The following GRM3 variants were observed in gnomAD, a reference collection of about 807,000 sequenced individuals.
The protein encoded by GRM3 is glutamate metabotropic receptor 3.
Under a neutral mutation model 70.5 loss-of-function variants are expected in GRM3, and 26 were observed. That is an observed-to-expected ratio of 0.37 (90% CI 0.27 to 0.51). GRM3 has a LOEUF of 0.51. Among genes scored for constraint, GRM3 ranks in the 20% least tolerant of loss-of-function variants. The pLI, the probability that GRM3 is intolerant of heterozygous loss-of-function variation, is 0.93. For missense variants in GRM3, 859 were observed against 1,123.8 expected, an observed-to-expected ratio of 0.76 and a Z score of 3.37; for synonymous variants, 443 against 434.9, an observed-to-expected ratio of 1.02 and a Z score of -0.23.
chr7:86,692,254 GTTTTCAAACATT>G (rs1294179328), intron 1 of GRM3, among the ~76,000 whole-genome samples: 1 of 152,144 alleles, frequency 6.6e-6, no homozygotes, highest in Non-Finnish European at 1.5e-5. Flanking sequence ...CTAATCCTCT[GTTTTCAAACATT>G]TTTTCTCTTA....
At chr7:86,762,603 G>A (rs1445786594) in intron 1 of GRM3, among the ~76,000 whole-genome samples, 1 of 152,046 alleles carries the variant, frequency 6.6e-6, no homozygotes, top group East Asian at 1.9e-4. Flanking sequence ...GAGCACACAA[G>A]AAAACAAATA....
intron 2 of GRM3, among the ~76,000 whole-genome samples, chr7:86,780,357 A>G (rs1057221071): frequency 6.6e-6 from 1 of 152,152 alleles, no homozygotes; most frequent in African/African-American, 2.4e-5. Flanking sequence ...AAAAATACCA[A>G]TTTTATAACA....
chr7:86,671,642 G>C (rs1296737996), intron 1 of GRM3, among the ~76,000 whole-genome samples: 1 of 152,112 alleles, frequency 6.6e-6, no homozygotes, highest in Non-Finnish European at 1.5e-5. Flanking sequence ...CTTTAATCTA[G>C]AGGTCTGACC....
intron 1 of GRM3, among the ~76,000 whole-genome samples, chr7:86,651,349 A>G (rs761746630): frequency 1.1e-4 from 16 of 152,180 alleles, no homozygotes; most frequent in Non-Finnish European, 1.9e-4. Context: ...GTTTCTTTTG[A>G]TTGTTAATAA....
intron 2 of GRM3, among the ~76,000 whole-genome samples, chr7:86,768,338 A>C (rs750444025): frequency 4.6e-5 from 7 of 152,188 alleles, no homozygotes; most frequent in African/African-American, 7.2e-5. Context: ...AGTCCCATGA[A>C]GTCATTGCTG....
intron 3 of GRM3, among the ~76,000 whole-genome samples, chr7:86,825,132 C>G (rs1371567072): frequency 6.6e-6 from 1 of 151,894 alleles, no homozygotes; most frequent in South Asian, 2.1e-4. Context: ...TCTAGTATAC[C>G]CTGGTGTCTC....
intron 1 of GRM3, among the ~76,000 whole-genome samples, chr7:86,671,840 C>T (rs994700010): frequency 6.6e-6 from 1 of 152,128 alleles, no homozygotes; most frequent in African/African-American, 2.4e-5. Context: ...TCTACTGGGA[C>T]CCTTAATTCC....
intron 1 of GRM3, among the ~76,000 whole-genome samples, chr7:86,717,352 C>A (rs1329767059): frequency 6.6e-6 from 1 of 151,926 alleles, no homozygotes; most frequent in African/African-American, 2.4e-5. Flanking sequence ...TATGTGTGAG[C>A]AATGACTTTT....
chr7:86,710,514 T>C (rs1795169850), intron 1 of GRM3, among the ~76,000 whole-genome samples: 1 of 140,798 alleles, frequency 7.1e-6, no homozygotes. Context: ...GTACTTGATG[T>C]GCTTTTCTGA....
chr7:86,814,253 A>G (rs1797971366), intron 3 of GRM3, among the ~76,000 whole-genome samples: 1 of 151,718 alleles, frequency 6.6e-6, no homozygotes, highest in Admixed American at 6.6e-5. Context: ...TTATTTTTCC[A>G]TAAGTTATTG....
chr7:86,736,707 A>G (rs1385333647), intron 1 of GRM3, among the ~76,000 whole-genome samples: 2 of 152,192 alleles, frequency 1.3e-5, no homozygotes, highest in African/African-American at 2.4e-5. Context: ...GAAGGTTTAC[A>G]TGAGACATAT....
In GRM3 at chr7:86,840,004, TG is replaced by T. The variant is rs914161369; in HGVS notation, c.2391+102del. 1.4e-5 allele frequency: 10 copies of T among 707,366 alleles called. No individual in the cohort carries two copies. In the African/African-American group the frequency reaches 1.6e-4, roughly 11 times the overall value. The allele number at this position is 707,366 out of a possible 1,614,324, so 43.8% of individuals were successfully genotyped here. On this transcript the variant is annotated intron_variant, in intron 4 of 5. Coordinates refer to ENST00000361669, the MANE Select transcript of GRM3 (RefSeq NM_000840.3). ...CTCCTTTTATTTCATCTCAACGAGTTGGGTAATTTCAAATGCCATGATGAGC... is the reference window on the plus strand; with the variant it reads ...CTCCTTTTATTTCATCTCAACGAGTTGGTAATTTCAAATGCCATGATGAGC...
chr7:86,833,394 G>GATA (rs113026975), intron 3 of GRM3, among the ~76,000 whole-genome samples: 7,039 of 149,804 alleles, frequency 0.047, 499 homozygotes, highest in African/African-American at 0.16. Flanking sequence ...CTTAAAGTAT[G>GATA]ATAATAATAA....
intron 3 of GRM3, among the ~76,000 whole-genome samples, chr7:86,812,447 T>G (rs1178854310): frequency 6.6e-6 from 1 of 151,784 alleles, no homozygotes; most frequent in Non-Finnish European, 1.5e-5. Context: ...ACAGAATCAG[T>G]ATTAGTTCTG....
At chr7:86,766,399 A>C (rs894672869) in intron 2 of GRM3, among the ~76,000 whole-genome samples, 2 of 152,076 alleles carry the variant, frequency 1.3e-5, no homozygotes, top group African/African-American at 4.8e-5. Flanking sequence ...AAAAGGAAAC[A>C]TTTAACACAT....
intron 4 of GRM3, among the ~76,000 whole-genome samples, chr7:86,842,609 C>T (rs11975812): frequency 0.036 from 5,534 of 152,162 alleles, 333 homozygotes; most frequent in African/African-American, 0.13. Context: ...ACAGAATTAG[C>T]AGCAATAATT....
intron 1 of GRM3, among the ~76,000 whole-genome samples, chr7:86,735,112 C>A (rs1206749626): frequency 6.6e-6 from 1 of 152,092 alleles, no homozygotes; most frequent in African/African-American, 2.4e-5. Context: ...CCACAAGAGA[C>A]CATGCCTTTG....
rs77782774 is a variant in GRM3, at chr7:86,670,362, C to T, written c.-141+25490C>T. On this transcript the variant is annotated intron_variant, in intron 1 of 5. Transcript: ENST00000361669. The stretch of plus-strand genomic sequence containing the variant: ...ACATCTAAGCAGGTAACTGCTAGTG[C>T]TCTACCTCTAATCATGTTCCCAAAT... Among the ~76,000 whole-genome samples, 723 of 152,310 alleles carry T rather than the reference C, an allele frequency of 4.7e-3. 5 individuals are homozygous for T. Among genetic ancestry groups the T allele is most frequent in the African/African-American group, 0.015 (631 of 41,576 alleles).
At chr7:86,858,147 GA>G (rs1383627362) in intron 5 of GRM3, among the ~76,000 whole-genome samples, 1 of 151,748 alleles carries the variant, frequency 6.6e-6, no homozygotes, top group Non-Finnish European at 1.5e-5. Context: ...TAGTAGAGAC[GA>G]GGTTTCACCA....
Sources: gnomAD v4.1 joint callset for allele counts (sites outside exome capture counted in the v4.1 genomes callset) on GRCh38, gnomAD v4.1.1 for gene constraint, MANE v1.5 for transcripts, NCBI Gene and HGNC (gene_info 2026-07-23, HGNC 2026-07-21) for gene names.